The following SYCP2L variants were observed in gnomAD, a reference collection of about 807,000 sequenced individuals.
SYCP2L encodes the protein synaptonemal complex protein 2-like.
A neutral mutation model predicts 125.8 loss-of-function variants in SYCP2L; 98 were observed. That is an observed-to-expected ratio of 0.78 (90% CI 0.66 to 0.92). SYCP2L has a LOEUF of 0.92. Ranked by LOEUF, SYCP2L falls within the 40% of genes least tolerant of loss-of-function variation. The pLI is 0.00. For missense variants in SYCP2L, 842 were observed against 936.4 expected, an observed-to-expected ratio of 0.90 and a Z score of 1.32; for synonymous variants, 317 against 325.4, an observed-to-expected ratio of 0.97 and a Z score of 0.28.
At chr6:10,955,991 G>A (rs1781497203) in intron 24 of SYCP2L, 145 bp from the exon 25 acceptor site, 3 of 615,600 alleles carry the variant, frequency 4.9e-6, no homozygotes, top group Admixed American at 2.9e-5. Context: ...TCCAGAGAGC[G>A]AGGTCATGTC....
intron 14 of SYCP2L, among the ~76,000 whole-genome samples, chr6:10,924,199 T>C (rs1780858111): frequency 1.3e-5 from 2 of 152,200 alleles, no homozygotes; most frequent in African/African-American, 4.8e-5. Context: ...AACAAAATGC[T>C]CTTAAAAAAA....
chr6:10,901,362 C>T (rs1780374391), intron 6 of SYCP2L, among the ~76,000 whole-genome samples: 1 of 152,132 alleles, frequency 6.6e-6, no homozygotes, highest in Non-Finnish European at 1.5e-5. Context: ...ATTACTCTCA[C>T]TTTGCAGTCT....
chr6:10,913,053 T>C, intron 14 of SYCP2L, 126 bp downstream of exon 14: 1 of 832,946 alleles, frequency 1.2e-6, no homozygotes, highest in Non-Finnish European at 1.9e-6. Context: ...GGCTGTATGG[T>C]ATGATAGAAG....
rs1416741895 is a variant in SYCP2L at position 10,927,314 on chromosome 6, T to G, written c.1387T>G (p.Leu463Val). The G allele has an allele frequency of 6.2e-7, 1 of 1,614,146 alleles. No homozygotes were observed. The highest frequency in any genetic ancestry group is 1.1e-5 in the South Asian group (1 of 91,082). ...TGACCGCTGCCTAATAACTCTCCACTTAAATGACCAATCTGAGCCACCTGT... is the reference window on the plus strand; with the variant it reads ...TGACCGCTGCCTAATAACTCTCCACGTAAATGACCAATCTGAGCCACCTGT... ...EDDRCLITLH[L>V]NDQSEPPVIG... Residue 463 changes from leucine (L) to valine (V), a missense_variant, in exon 17 of 30, where the codon TTA (leucine) becomes GTA (valine). Transcript: ENST00000283141.
chr6:10,960,757 T>A lies in SYCP2L; in HGVS notation c.2256-548T>A, dbSNP rs186563190. Among the ~76,000 whole-genome samples, 1,033 of 151,370 alleles carry A rather than the reference T, an allele frequency of 6.8e-3. 10 individuals are homozygous for A. The highest frequency in any genetic ancestry group is 0.024 in the African/African-American group (970 of 40,802). ...CCTTTTGTTCTCTACTAAAAAAAAATCAGCTTCCTCTGTGCTGCTATTGAA... is the reference window on the plus strand; with the variant it reads ...CCTTTTGTTCTCTACTAAAAAAAAAACAGCTTCCTCTGTGCTGCTATTGAA... On this transcript the variant is annotated intron_variant, in intron 26 of 29. Transcript: ENST00000283141.
chr6:10,964,366 A>G (rs1781644296), intron 29 of SYCP2L, among the ~76,000 whole-genome samples: 1 of 152,178 alleles, frequency 6.6e-6, no homozygotes, highest in Admixed American at 6.5e-5. Flanking sequence ...ATCAATCACT[A>G]TGATGGACAT....
rs2113318071 is a variant in SYCP2L at position 10,910,197 on chromosome 6, G to A, written c.869G>A (p.Arg290Lys). 6.2e-7 allele frequency: 1 copy of A among 1,613,686 alleles called. No individual in the cohort carries two copies. The highest frequency in any genetic ancestry group is 2.2e-5 in the East Asian group (1 of 44,858). ...NHLNNRLGDQ[R>K]RVYSFPCIAA... is the part of the protein sequence containing the mutation. ...CTAAACAACAGACTTGGTGACCAAAGAAGGTAAGTTGTGTCTCTGAGCATT... is the reference window on the plus strand; with the variant it reads ...CTAAACAACAGACTTGGTGACCAAAAAAGGTAAGTTGTGTCTCTGAGCATT... Residue 290 changes from arginine (R) to lysine (K), a missense_variant, in exon 11 of 30, where the codon AGA becomes AAA. Physicochemically the swap from Arg to Lys is conservative, Grantham distance 26. Transcript: ENST00000283141.
chr6:10,895,700 C>T (rs1000281745), intron 4 of SYCP2L, among the ~76,000 whole-genome samples: 7 of 152,006 alleles, frequency 4.6e-5, no homozygotes, highest in African/African-American at 1.4e-4. Flanking sequence ...CATCATATTC[C>T]ACATCTCGAA....
At chr6:10,910,234 G>T (rs371849354) in intron 11 of SYCP2L, 34 bp downstream of exon 11, 1 of 1,587,578 alleles carries the variant, frequency 6.3e-7, no homozygotes, top group African/African-American at 1.3e-5. Context: ...TTGACTAGTT[G>T]TATTCTGAAA....
chr6:10,971,011 C>T (rs896111974), intron 29 of SYCP2L, among the ~76,000 whole-genome samples: 1 of 152,034 alleles, frequency 6.6e-6, no homozygotes, highest in Non-Finnish European at 1.5e-5. Flanking sequence ...AGGCGGTTAC[C>T]GAGGATCAGA....
chr6:10,912,967 A>G lies in SYCP2L; in HGVS notation c.1072+40A>G. ...TTAAACAACCCACGTCCAGTTCCAA[A>G]TATTATTTCTGTTGTATATGCAGTG... On this transcript the variant is annotated intron_variant, in intron 14 of 29. Transcript: ENST00000283141. The surrounding 1 kb of genome is among the most constrained non-coding windows in gnomAD (Gnocchi z 4.1). 6.3e-7 allele frequency: 1 copy of G among 1,577,886 alleles called. No individual in the cohort carries two copies. The highest frequency in any genetic ancestry group is 2.2e-5 in the East Asian group (1 of 44,702).
intron 6 of SYCP2L, among the ~76,000 whole-genome samples, chr6:10,901,676 A>G (rs889817226): frequency 6.6e-6 from 1 of 152,230 alleles, no homozygotes; most frequent in East Asian, 1.9e-4. Context: ...AAACATCTCC[A>G]GACATTGCTA....
intron 1 of SYCP2L, among the ~76,000 whole-genome samples, chr6:10,891,292 A>G (rs1024753253): frequency 3.3e-5 from 5 of 152,030 alleles, no homozygotes; most frequent in Admixed American, 1.3e-4. Flanking sequence ...TTTGTACTGT[A>G]TTTGTCTTAG....
Position 10,961,574 on chromosome 6 carries a change from T to C in SYCP2L, c.2414+16T>C, listed in dbSNP as rs1237062955. The stretch of plus-strand genomic sequence containing the variant: ...AAGTGCTGAGGTACTTTGAAAGGTG[T>C]TCTTTCTAGAAGAATCTTGGTTGAA... On this transcript the variant is annotated intron_variant, in intron 28 of 29. Coordinates refer to ENST00000283141, the MANE Select transcript of SYCP2L (RefSeq NM_001040274.3). 1.2e-6 allele frequency: 2 copies of C among 1,613,470 alleles called. No homozygotes were observed. Among genetic ancestry groups the C allele is most frequent in the Admixed American group, 1.7e-5 (1 of 59,998 alleles).
chr6:10,963,799 C>T lies in SYCP2L; in HGVS notation c.2432C>T (p.Thr811Ile), dbSNP rs764491814. ...LQVLRFNSTQTS is the reference protein window; with the variant it reads ...LQVLRFNSTQIS Reference sequence around the variant, plus strand: ...TCTTCCAGGTTCAATTCAACTCAGACTTCATAAGAAAGCCAAAGCCTGGTT... The same window carrying T: ...TCTTCCAGGTTCAATTCAACTCAGATTTCATAAGAAAGCCAAAGCCTGGTT... The change falls in exon 29 of 30, where the codon ACT becomes ATT. Residue 811 changes from threonine (T) to isoleucine (I), a missense_variant. Coordinates refer to ENST00000283141, the MANE Select transcript of SYCP2L (RefSeq NM_001040274.3). The T allele has an allele frequency of 6.8e-6, 11 of 1,613,744 alleles. No homozygotes were observed. Among genetic ancestry groups the T allele is most frequent in the Non-Finnish European group, 8.5e-7 (1 of 1,179,852 alleles).
intron 21 of SYCP2L, among the ~76,000 whole-genome samples, chr6:10,935,610 C>T (rs917540295): frequency 2.0e-5 from 3 of 151,944 alleles, no homozygotes; most frequent in African/African-American, 7.3e-5. Flanking sequence ...CTGCAACCTC[C>T]GCCTCCCAGG....
intron 14 of SYCP2L, 75 bp from the exon 15 acceptor site, chr6:10,924,421 A>T (rs889269882): frequency 7.2e-6 from 9 of 1,246,018 alleles, no homozygotes; most frequent in Non-Finnish European, 9.6e-6. Flanking sequence ...TAGCGTAGTT[A>T]TTTAAAATGA....
At chr6:10,941,697 CTG>C (rs1271819731) in intron 21 of SYCP2L, among the ~76,000 whole-genome samples, 7 of 152,200 alleles carry the variant, frequency 4.6e-5, no homozygotes, top group African/African-American at 1.7e-4. Context: ...TTCTTTTACA[CTG>C]TTGGTGGGAG....
chr6:10,931,810 C>G (rs1181073324), intron 20 of SYCP2L, among the ~76,000 whole-genome samples: 1 of 151,872 alleles, frequency 6.6e-6, no homozygotes, highest in Admixed American at 6.6e-5. Flanking sequence ...ACAAAAAATA[C>G]AAAAATTAGC....
Sources: allele counts gnomAD v4.1 joint callset (sites outside exome capture counted in the v4.1 genomes callset), GRCh38; gene constraint gnomAD v4.1.1; non-coding constraint Gnocchi (gnomAD v3.1); transcripts MANE v1.5; gene names NCBI Gene and HGNC (gene_info 2026-07-23, HGNC 2026-07-21).